ZNF367: variants seen among roughly 807,000 people sequenced by gnomAD.
ZNF367 encodes the protein C2H2 zinc finger protein ZFF29.
A neutral mutation model predicts 31.8 loss-of-function variants in ZNF367; 11 were observed. The observed-to-expected ratio is 0.35, with a 90% CI of 0.22 to 0.57. The LOEUF is 0.57. Ranked by LOEUF, ZNF367 falls within the 20% of genes least tolerant of loss-of-function variation. The pLI is 0.85. For synonymous variants in ZNF367, 199 were observed against 202.4 expected, an observed-to-expected ratio of 0.98 and a Z score of 0.14; for missense variants, 353 against 484.1, an observed-to-expected ratio of 0.73 and a Z score of 2.54.
At chr9:96,389,434 C>T (rs936959338) in intron 4 of ZNF367, among the ~76,000 whole-genome samples, 4 of 151,522 alleles carry the variant, frequency 2.6e-5, no homozygotes, top group Non-Finnish European at 5.9e-5. Flanking sequence ...AAATGCCCAT[C>T]GAGAGAATAA....
chr9:96,407,685 A>C, intron 1 of ZNF367: 1 of 1,413,236 alleles, frequency 7.1e-7, no homozygotes, highest in Non-Finnish European at 9.9e-7. Flanking sequence ...CAGAAGTATT[A>C]AAAGTTATTC....
At chr9:96,400,744 A>G (rs1009723512) in intron 1 of ZNF367, among the ~76,000 whole-genome samples, 7 of 152,338 alleles carry the variant, frequency 4.6e-5, no homozygotes, top group Middle Eastern at 3.4e-3. Flanking sequence ...AACTGGAGTC[A>G]TAGAGGCAAG....
In ZNF367 at chr9:96,417,560, A is replaced by T; in HGVS notation, c.420+53T>A. The T allele has an allele frequency of 3.0e-6, 1 of 334,924 alleles. No homozygotes were observed. Among genetic ancestry groups the T allele is most frequent in the Non-Finnish European group, 5.2e-6 (1 of 190,734 alleles). The allele number at this position is 334,924 out of a possible 1,614,324, so 20.7% of individuals were successfully genotyped here. A position where few individuals can be genotyped will look rare whatever the true frequency, so the allele number is the denominator to read the frequency against. On this transcript the variant is annotated intron_variant, in intron 1 of 4. Transcript: ENST00000375256. The surrounding 1 kb of genome is among the most constrained non-coding windows in gnomAD (Gnocchi z 5.0). The stretch of plus-strand genomic sequence containing the variant: ...ACTCCGCCCCGCCCGCCGCACCGTT[A>T]ACGGGCCCCGGCTGCCCCACGTCCC...
chr9:96,394,741 C>A lies in ZNF367; in HGVS notation c.691+82G>T. The A allele has an allele frequency of 4.5e-6, 6 of 1,341,138 alleles. No individual in the cohort carries two copies. The South Asian group carries it at 4.7e-5, about 10-fold the overall frequency. 83.1% of individuals were successfully genotyped at this position (1,341,138 alleles called of 1,614,324 possible). A position where few individuals can be genotyped will look rare whatever the true frequency, so the allele number is the denominator to read the frequency against. ...AAAATTTATATTAAAAAATCTTTCCCCTCAAAAAAATTCAAGGAAAGGATA... is the reference window on the plus strand; with the variant it reads ...AAAATTTATATTAAAAAATCTTTCCACTCAAAAAAATTCAAGGAAAGGATA... On this transcript the variant is annotated intron_variant, in intron 3 of 4. Transcript: ENST00000375256.
intron 1 of ZNF367, among the ~76,000 whole-genome samples, chr9:96,411,495 C>T (rs1831749257): frequency 6.6e-6 from 1 of 151,856 alleles, no homozygotes; most frequent in Non-Finnish European, 1.5e-5. Flanking sequence ...AGTGGGAGTT[C>T]AAGGCTGCAG....
At chr9:96,390,556 T>C (rs1284641423) in intron 4 of ZNF367, among the ~76,000 whole-genome samples, 3 of 151,868 alleles carry the variant, frequency 2.0e-5, no homozygotes, top group Non-Finnish European at 4.4e-5. Context: ...AGTAAGGAGG[T>C]AGATGTCATA....
intron 1 of ZNF367, among the ~76,000 whole-genome samples, chr9:96,404,120 G>A (rs953273709): frequency 6.6e-6 from 1 of 151,946 alleles, no homozygotes; most frequent in African/African-American, 2.4e-5. Flanking sequence ...CCAAGATCAT[G>A]CCACTGCATT....
chr9:96,392,101 C>G (rs111728101), intron 4 of ZNF367, among the ~76,000 whole-genome samples: 3 of 152,260 alleles, frequency 2.0e-5, no homozygotes, highest in African/African-American at 7.2e-5. Context: ...AGGTTGCATT[C>G]ATGACGAATG....
At chr9:96,395,771 A>G (rs1831523086) in intron 2 of ZNF367, among the ~76,000 whole-genome samples, 1 of 152,198 alleles carries the variant, frequency 6.6e-6, no homozygotes, top group East Asian at 1.9e-4. Context: ...GTGTCATGGT[A>G]GTCTCCTGCA....
chr9:96,404,131 C>A (rs1587746118), intron 1 of ZNF367, among the ~76,000 whole-genome samples: 1 of 151,904 alleles, frequency 6.6e-6, no homozygotes. Flanking sequence ...CCACTGCATT[C>A]CAGCCTGGGC....
chr9:96,391,520 A>G (rs2131070597), intron 4 of ZNF367, among the ~76,000 whole-genome samples: 1 of 152,288 alleles, frequency 6.6e-6, no homozygotes, highest in South Asian at 2.1e-4. Flanking sequence ...CAGTTGCCTT[A>G]TCAGAGGGAG....
chr9:96,410,510 C>A (rs961020749), intron 1 of ZNF367, among the ~76,000 whole-genome samples: 1 of 143,210 alleles, frequency 7.0e-6, no homozygotes, highest in South Asian at 2.3e-4. Context: ...TGCAGTGAGC[C>A]GAGATGGCAC....
In ZNF367 at chr9:96,417,036, T is replaced by C. The variant is rs946761400; in HGVS notation, c.420+577A>G. Among the ~76,000 whole-genome samples, 6 of 152,226 alleles carry C rather than the reference T, an allele frequency of 3.9e-5. No individual in the cohort carries two copies. Among genetic ancestry groups the C allele is most frequent in the African/African-American group, 1.2e-4 (5 of 41,462 alleles). On this transcript the variant is annotated intron_variant, in intron 1 of 4. Transcript: ENST00000375256. This position sits in a 1 kb window ranked among gnomAD's most constrained non-coding sequence, Gnocchi z 5.0. The stretch of plus-strand genomic sequence containing the variant: ...TTCCCAGCTTTAAGCAGTCGGAGAC[T>C]GCAAGCAATTTTAGCGTCCCATTCC...
chr9:96,399,866 GAA>G (rs1831580081), intron 1 of ZNF367, among the ~76,000 whole-genome samples: 1 of 152,048 alleles, frequency 6.6e-6, no homozygotes, highest in African/African-American at 2.4e-5. Context: ...CACAGGCTAA[GAA>G]AGAGACTTTA....
At chr9:96,416,721 A>G (rs1384001496) in intron 1 of ZNF367, among the ~76,000 whole-genome samples, 7 of 152,218 alleles carry the variant, frequency 4.6e-5, no homozygotes, top group Non-Finnish European at 1.0e-4. Context: ...CATTACACAA[A>G]TATTTTTTGA....
rs1347799236 is a variant in ZNF367, at chr9:96,387,819, C to CTGT, written c.*417_*418insACA. The stretch of plus-strand genomic sequence containing the variant: ...CTTCAGTGTTTACAGTATTGTTAAA[C>CTGT]ATACTAATATATATTGTTAAAAATG... On this transcript the variant is annotated 3_prime_UTR_variant, in exon 5 of 5. Coordinates refer to ENST00000375256, the MANE Select transcript of ZNF367 (RefSeq NM_153695.4). 6.3e-6 allele frequency: 1 copy of CTGT among 158,208 alleles called. No individual in the cohort carries two copies. The allele number at this position is 158,208 out of a possible 1,614,324, so 9.8% of individuals were successfully genotyped here. A position where few individuals can be genotyped will look rare whatever the true frequency, so the allele number is the denominator to read the frequency against.
chr9:96,393,793 T>C (rs1364286682), intron 3 of ZNF367, among the ~76,000 whole-genome samples: 1 of 152,192 alleles, frequency 6.6e-6, no homozygotes, highest in African/African-American at 2.4e-5. Context: ...ATGGCGCCAT[T>C]GCACTCCAGC....
chr9:96,388,826 G>A (rs748645520), intron 4 of ZNF367, among the ~76,000 whole-genome samples: 2 of 152,206 alleles, frequency 1.3e-5, no homozygotes, highest in Non-Finnish European at 2.9e-5. Flanking sequence ...ACAGAGGGAT[G>A]GTAACTTCTG....
Position 96,417,666 on chromosome 9 carries a change from A to C in ZNF367, c.367T>G (p.Ser123Ala). ...PPAASASAAA[S>A]GGEDEEEASS... is the part of the protein sequence containing the mutation. Reference sequence around the variant, plus strand: ...GCTTCCTCCTCGTCCTCACCTCCCGAGGCGGCGGCGGAGGCCGAGGCGGCG... The same window carrying C: ...GCTTCCTCCTCGTCCTCACCTCCCGCGGCGGCGGCGGAGGCCGAGGCGGCG... Residue 123 changes from serine (S) to alanine (A), a missense_variant, in exon 1 of 5, where the codon TCG becomes GCG. Ser to Ala is a moderately conservative substitution (Grantham distance 99). Transcript: ENST00000375256. This position sits in a 1 kb window ranked among gnomAD's most constrained non-coding sequence, Gnocchi z 5.0. 9.8e-7 allele frequency: 1 copy of C among 1,020,380 alleles called. No homozygotes were observed. 63.2% of individuals were successfully genotyped at this position (1,020,380 alleles called of 1,614,324 possible).
Sources: allele counts gnomAD v4.1 joint callset (sites outside exome capture counted in the v4.1 genomes callset), GRCh38; gene constraint gnomAD v4.1.1; non-coding constraint Gnocchi (gnomAD v3.1); transcripts MANE v1.5; gene names NCBI Gene and HGNC (gene_info 2026-07-23, HGNC 2026-07-21).